TENM1: variants seen among roughly 807,000 people sequenced by gnomAD.
The protein encoded by TENM1 is teneurin transmembrane protein 1, also known as teneurin-1.
TENM1 carries 35 observed loss-of-function variants against 174.8 expected under a neutral mutation model. The observed-to-expected ratio is 0.20, with a 90% CI of 0.15 to 0.27. The LOEUF is 0.27. Among genes scored for constraint, TENM1 ranks in the 10% least tolerant of loss-of-function variants. TENM1 has a pLI of 1.00. For synonymous variants in TENM1, 781 were observed against 798.7 expected, an observed-to-expected ratio of 0.98 and a Z score of 0.37; for missense variants, 1,633 against 2,130.1, an observed-to-expected ratio of 0.77 and a Z score of 4.59.
intron 22 of TENM1, among the ~76,000 whole-genome samples, chrX:124,462,777 G>A (rs1255872848): frequency 9.0e-6 from 1 of 111,548 alleles, no homozygotes; most frequent in Admixed American, 9.6e-5. Context: ...CTGATTTACA[G>A]GACTAAATTT....
chrX:124,475,182 T>C (rs1569533768), intron 22 of TENM1, among the ~76,000 whole-genome samples: 1 of 110,726 alleles, frequency 9.0e-6, no homozygotes. Flanking sequence ...ACGGAGGCTA[T>C]CAAGATGAAG....
Position 124,623,257 on chromosome X carries a change from G to C in TENM1, c.2077+18534C>G, listed in dbSNP as rs185832358. 2.7e-5 allele frequency among the ~76,000 whole-genome samples: 3 copies of C among 111,059 alleles called. No individual in the cohort carries two copies. In the East Asian group the frequency reaches 8.4e-4, roughly 31 times the overall value. On this transcript the variant is annotated intron_variant, in intron 11 of 31. Coordinates refer to ENST00000422452, the Ensembl canonical transcript of TENM1. ...TGTGTGTATATGTGTGATTGTGTGA[G>C]TGTGCATATATGTGTGAGTGTGCAA...
At chrX:124,907,303 C>T (rs924304306) in intron 1 of TENM1, among the ~76,000 whole-genome samples, 2 of 112,034 alleles carry the variant, frequency 1.8e-5, no homozygotes, top group Admixed American at 1.9e-4. Context: ...CAGGGGAATC[C>T]GAAGGGCTTA....
chrX:124,498,962 T>C (rs1458470129), intron 19 of TENM1, among the ~76,000 whole-genome samples: 1 of 111,116 alleles, frequency 9.0e-6, no homozygotes, highest in African/African-American at 3.3e-5. Context: ...TCCAATGATT[T>C]TGCAAACCTG....
At chrX:124,514,613 C>G (rs1016264788) in intron 18 of TENM1, among the ~76,000 whole-genome samples, 3 of 110,710 alleles carry the variant, frequency 2.7e-5, no homozygotes, top group Admixed American at 9.6e-5. Flanking sequence ...TACACCATCC[C>G]AAGATTGAAC....
chrX:124,848,532 A>C (rs1244864803), intron 3 of TENM1, among the ~76,000 whole-genome samples: 1 of 111,559 alleles, frequency 9.0e-6, no homozygotes, highest in African/African-American at 3.3e-5. Context: ...ACCAGTATTT[A>C]AATATCAGAT....
At chrX:124,839,090 C>T (rs2056446972) in intron 3 of TENM1, among the ~76,000 whole-genome samples, 1 of 111,375 alleles carries the variant, frequency 9.0e-6, no homozygotes, top group East Asian at 2.8e-4. Context: ...TTTATTCATA[C>T]AATGGAATAT....
At chrX:124,614,948 G>A (rs1396139502) in intron 11 of TENM1, among the ~76,000 whole-genome samples, 1 of 111,857 alleles carries the variant, frequency 8.9e-6, no homozygotes, top group Non-Finnish European at 1.9e-5. Flanking sequence ...GAGACCAGGA[G>A]GAATTGATCA....
At chrX:124,560,800 G>A (rs1250377240) in intron 14 of TENM1, among the ~76,000 whole-genome samples, 1 of 111,751 alleles carries the variant, frequency 8.9e-6, no homozygotes, top group African/African-American at 3.3e-5. Flanking sequence ...TTCATTTTAA[G>A]CTAATATACA....
intron 23 of TENM1, among the ~76,000 whole-genome samples, chrX:124,443,525 A>T (rs1269998447): frequency 8.9e-6 from 1 of 111,905 alleles, no homozygotes; most frequent in African/African-American, 3.3e-5. Context: ...TGGGGTTTAG[A>T]ACTTTTTTGT....
chrX:124,519,773 A>AT (rs1362866002), intron 18 of TENM1, among the ~76,000 whole-genome samples: 8 of 110,885 alleles, frequency 7.2e-5, no homozygotes, highest in African/African-American at 1.6e-4. Context: ...AAAACAGACT[A>AT]TTTTTTTTCT....
the TENM1 span, among the ~76,000 whole-genome samples, chrX:124,978,783 C>T: frequency 9.8e-5 from 11 of 111,714 alleles, no homozygotes; most frequent in Non-Finnish European, 1.3e-4. Flanking sequence ...AATGTTGATG[C>T]CATCTTCATA....
the TENM1 span, among the ~76,000 whole-genome samples, chrX:125,132,491 T>C: frequency 2.7e-5 from 3 of 111,986 alleles, no homozygotes; most frequent in Admixed American, 9.5e-5. Flanking sequence ...GGCACTATAA[T>C]GTTGTAGAAA....
chrX:124,868,044 T>C (rs1266011169), intron 3 of TENM1, among the ~76,000 whole-genome samples: 1 of 111,859 alleles, frequency 8.9e-6, no homozygotes, highest in Non-Finnish European at 1.9e-5. Flanking sequence ...ATTGTTAAAA[T>C]GACCATACTA....
At chrX:124,626,800 C>T (rs2050647100) in intron 11 of TENM1, among the ~76,000 whole-genome samples, 2 of 111,411 alleles carry the variant, frequency 1.8e-5, no homozygotes, top group South Asian at 7.6e-4. Flanking sequence ...GATGCAATAA[C>T]CCAAAAGGAA....
At chrX:125,033,216 G>A in the TENM1 span, among the ~76,000 whole-genome samples, 8 of 111,726 alleles carry the variant, frequency 7.2e-5, no homozygotes, top group African/African-American at 2.6e-4. Flanking sequence ...TAAGTTTTGA[G>A]TTCAAAAGGA....
At chrX:124,952,203 T>C (rs931603216) in intron 1 of TENM1, among the ~76,000 whole-genome samples, 1 of 111,170 alleles carries the variant, frequency 9.0e-6, no homozygotes, top group African/African-American at 3.3e-5. Flanking sequence ...CTGCTCCATA[T>C]AACATCTCTT....
the TENM1 span, among the ~76,000 whole-genome samples, chrX:125,128,750 G>T: frequency 9.0e-6 from 1 of 111,413 alleles, no homozygotes; most frequent in African/African-American, 3.3e-5. Flanking sequence ...ATAAGCCACA[G>T]AAATAACTGA....
rs146105565 is a variant in TENM1, at chrX:124,789,603, G to A, written c.536-52406C>T. Among the ~76,000 whole-genome samples, 658 of 111,228 alleles carry A rather than the reference G, an allele frequency of 5.9e-3. 5 individuals carry two copies. Among genetic ancestry groups the A allele is most frequent in the African/African-American group, 0.02 (612 of 30,595 alleles). ...GTTCAAAGTTCCACAGATCTCTAGG[G>A]CAGGGGCAAAATGCTGCCAGTCTCT... is the stretch of plus-strand genomic sequence containing the variant. On this transcript the variant is annotated intron_variant, in intron 3 of 31. Coordinates refer to ENST00000422452, the Ensembl canonical transcript of TENM1.
Sources: allele counts gnomAD v4.1 joint callset (sites outside exome capture counted in the v4.1 genomes callset), GRCh38; gene constraint gnomAD v4.1.1; transcripts MANE v1.5; gene names NCBI Gene and HGNC (gene_info 2026-07-23, HGNC 2026-07-21).